CCDC18: variants seen among roughly 807,000 people sequenced by gnomAD.
The protein encoded by CCDC18 is coiled-coil domain containing 18.
A neutral mutation model predicts 196.0 loss-of-function variants in CCDC18; 157 were observed. The ratio of observed to expected loss-of-function variants is 0.80; its 90% CI spans 0.70 to 0.91. CCDC18 has a LOEUF of 0.91. CCDC18 is among the 40% of genes least tolerant of loss of function. CCDC18 has a pLI of 0.00. For missense variants in CCDC18, 1,465 were observed against 1,611.6 expected, an observed-to-expected ratio of 0.91 and a Z score of 1.56; for synonymous variants, 482 against 529.2, an observed-to-expected ratio of 0.91 and a Z score of 1.22.
At chr1:93,201,376 G>A (rs752692976) in intron 6 of CCDC18, among the ~76,000 whole-genome samples, 4 of 152,146 alleles carry the variant, frequency 2.6e-5, no homozygotes, top group Non-Finnish European at 5.9e-5. Flanking sequence ...ACAAGGTTCG[G>A]CTTAAAGAGT....
At chr1:93,253,259 T>A (rs1453667580) in intron 23 of CCDC18, among the ~76,000 whole-genome samples, 1 of 152,076 alleles carries the variant, frequency 6.6e-6, no homozygotes, top group Non-Finnish European at 1.5e-5. Context: ...AGAACCTATC[T>A]TGTTGGCCCA....
chr1:93,256,472 A>C lies in CCDC18; in HGVS notation c.3480A>C (p.Gln1160His). The C allele has an allele frequency of 2.0e-5, 33 of 1,614,108 alleles. No homozygotes were observed. Among genetic ancestry groups the C allele is most frequent in the Non-Finnish European group, 2.8e-5 (33 of 1,179,992 alleles). Residue 1160 changes from glutamine (Q) to histidine (H), a missense_variant, in exon 25 of 29, where the codon CAA becomes CAC. Transcript: ENST00000690025. ...ELAEARHQQV[Q>H]AQREIERLSS... Reference sequence around the variant, plus strand: ...CAGAGGCTCGTCATCAGCAAGTCCAAGCACAGAGAGAAATAGAAAGGCTCT... The same window carrying C: ...CAGAGGCTCGTCATCAGCAAGTCCACGCACAGAGAGAAATAGAAAGGCTCT...
intron 27 of CCDC18, among the ~76,000 whole-genome samples, chr1:93,267,388 G>A (rs1393453102): frequency 1.3e-5 from 2 of 152,162 alleles, no homozygotes; most frequent in African/African-American, 2.4e-5. Context: ...GCACAAGACA[G>A]GGGTGCCCTC....
intron 28 of CCDC18, among the ~76,000 whole-genome samples, chr1:93,276,792 G>A (rs993998017): frequency 6.6e-6 from 1 of 151,930 alleles, no homozygotes; most frequent in African/African-American, 2.4e-5. Flanking sequence ...TGTAGGGGTG[G>A]GTTGCCCCTA....
chr1:93,183,405 A>C lies in CCDC18; in HGVS notation c.44A>C (p.Glu15Ala). The change falls in exon 2 of 29, where the codon GAG becomes GCG. Residue 15 changes from glutamate to alanine, a missense_variant. Transcript: ENST00000690025. The stretch of plus-strand genomic sequence containing the variant: ...GACTACTATAATAAAGACAATGAAG[A>C]GGAAAGTTTGCTTGCAAATGTTGCT... ...SSDYYNKDNE[E>A]ESLLANVASL... The C allele has an allele frequency of 6.2e-7, 1 of 1,603,988 alleles. No homozygotes were observed. Among genetic ancestry groups the C allele is most frequent in the Non-Finnish European group, 8.5e-7 (1 of 1,172,950 alleles).
At chr1:93,223,900 T>C (rs868769184) in intron 16 of CCDC18, among the ~76,000 whole-genome samples, 119 of 141,388 alleles carry the variant, frequency 8.4e-4, no homozygotes, top group African/African-American at 2.8e-3. Context: ...CATTTATTTA[T>C]ACACACACAC....
intron 26 of CCDC18, among the ~76,000 whole-genome samples, chr1:93,264,364 T>C (rs182435824): frequency 1.6e-4 from 25 of 152,190 alleles, no homozygotes; most frequent in Admixed American, 3.3e-4. Context: ...CACCTAAAAA[T>C]TGACAGTGAC....
intron 11 of CCDC18, among the ~76,000 whole-genome samples, chr1:93,214,353 C>T (rs1428219070): frequency 4.6e-5 from 7 of 152,076 alleles, no homozygotes; most frequent in African/African-American, 1.7e-4. Flanking sequence ...TAAAAATGTT[C>T]TTAATGATCT....
chr1:93,221,695 A>G lies in CCDC18; in HGVS notation c.2049A>G (p.Lys683=). The G allele has an allele frequency of 6.3e-7, 1 of 1,596,834 alleles. No individual in the cohort carries two copies. Among genetic ancestry groups the G allele is most frequent in the Non-Finnish European group, 8.5e-7 (1 of 1,175,074 alleles). ...MSMLQQDIIC[K]QHHLESLDRL... is the part of the protein sequence containing the mutation. ...TGTTGCAACAAGATATAATATGCAAACAACATCATCTTGAATCACTAGATA... is the reference window on the plus strand; with the variant it reads ...TGTTGCAACAAGATATAATATGCAAGCAACATCATCTTGAATCACTAGATA... The change falls in exon 15 of 29, where the codon AAA becomes AAG. Residue 683 remains lysine (K), a synonymous_variant. Coordinates refer to ENST00000690025, the MANE Select transcript of CCDC18 (RefSeq NM_001378204.1).
chr1:93,212,029 G>A, intron 10 of CCDC18, 72 bp from the exon 11 acceptor site: 1 of 1,307,080 alleles, frequency 7.7e-7, no homozygotes, highest in Non-Finnish European at 1.1e-6. Context: ...CTTGAAAGGT[G>A]AAAAATAGTA....
intron 9 of CCDC18, among the ~76,000 whole-genome samples, chr1:93,210,254 C>A (rs1655395118): frequency 6.6e-6 from 1 of 152,176 alleles, no homozygotes. Flanking sequence ...TTTTAAAATT[C>A]TGTATTATCC....
Position 93,226,547 on chromosome 1 carries a change from C to A in CCDC18, c.2292+98C>A, listed in dbSNP as rs1317997905. 1.9e-5 allele frequency: 6 copies of A among 318,898 alleles called. No homozygotes were observed. In the East Asian group the frequency reaches 2.1e-4, roughly 11 times the overall value. 19.8% of individuals were successfully genotyped at this position (318,898 alleles called of 1,614,324 possible). A position where few individuals can be genotyped will look rare whatever the true frequency, so the allele number is the denominator to read the frequency against. On this transcript the variant is annotated intron_variant, in intron 17 of 28. Transcript: ENST00000690025. ...AAAATATATATATATATATATATTTCTTTTGAGACAGCGTCTCCCCATGTT... is the reference window on the plus strand; with the variant it reads ...AAAATATATATATATATATATATTTATTTTGAGACAGCGTCTCCCCATGTT...
intron 7 of CCDC18, among the ~76,000 whole-genome samples, chr1:93,203,499 T>G (rs968828604): frequency 6.6e-6 from 1 of 152,006 alleles, no homozygotes; most frequent in South Asian, 2.1e-4. Flanking sequence ...GAGAACAAGA[T>G]GAAAGATACC....
intron 28 of CCDC18, among the ~76,000 whole-genome samples, chr1:93,272,612 G>A (rs923097672): frequency 1.3e-5 from 2 of 152,270 alleles, no homozygotes; most frequent in African/African-American, 2.4e-5. Context: ...TGGTAATGTC[G>A]AGGCTTTTAT....
At chr1:93,179,926 T>G, upstream of CCDC18, 1 of 1,032,258 alleles carries the variant, frequency 9.7e-7, no homozygotes, top group Non-Finnish European at 1.4e-6. Flanking sequence ...CGGAGCGGGC[T>G]GGCTTCCTGA....
intron 27 of CCDC18, among the ~76,000 whole-genome samples, chr1:93,265,132 A>C (rs1266552125): frequency 6.6e-6 from 1 of 152,180 alleles, no homozygotes; most frequent in Non-Finnish European, 1.5e-5. Context: ...ATCTAATCAT[A>C]ATGTTTAGAG....
intron 17 of CCDC18, 32 bp from the exon 18 acceptor site, chr1:93,232,394 T>C (rs765923974): frequency 2.3e-6 from 3 of 1,290,660 alleles, no homozygotes; most frequent in Admixed American, 4.5e-5. Context: ...AACATTGCAT[T>C]GTATTGAGAG....
chr1:93,246,874 G>A lies in CCDC18; in HGVS notation c.3118G>A (p.Gly1040Arg). The change falls in exon 23 of 29, where the codon GGA becomes AGA. Residue 1040 changes from glycine to arginine, a missense_variant. Transcript: ENST00000690025. ...GGATATGACTATTCGTGAGCACAGAGGAGAAATGGAACAAAAAATAATTAA... is the reference window on the plus strand; with the variant it reads ...GGATATGACTATTCGTGAGCACAGAAGAGAAATGGAACAAAAAATAATTAA... ...HLDMTIREHR[G>R]EMEQKIIKLE... 1 of 1,549,462 alleles carries A rather than the reference G, an allele frequency of 6.5e-7. No homozygotes were observed. The highest frequency in any genetic ancestry group is 8.8e-7 in the Non-Finnish European group (1 of 1,134,020).
chr1:93,193,515 C>G, intron 5 of CCDC18, 101 bp from the exon 6 acceptor site: 1 of 705,276 alleles, frequency 1.4e-6, no homozygotes, highest in East Asian at 3.4e-5. Flanking sequence ...TTTCTCTTAA[C>G]TCATTGATTT....
Sources: allele counts gnomAD v4.1 joint callset (sites outside exome capture counted in the v4.1 genomes callset), GRCh38; gene constraint gnomAD v4.1.1; transcripts MANE v1.5; gene names NCBI Gene and HGNC (gene_info 2026-07-23, HGNC 2026-07-21).